The following RPAP1 variants were observed in gnomAD, a reference collection of about 807,000 sequenced individuals.
The protein encoded by RPAP1 is RNA polymerase II-associated protein 1.
RPAP1 carries 109 observed loss-of-function variants against 142.4 expected under a neutral mutation model. The observed-to-expected ratio is 0.77, with a 90% CI of 0.66 to 0.90. The LOEUF (loss-of-function observed/expected upper bound fraction) is 0.90, where lower values mean the gene tolerates loss of function less well. Among genes scored for constraint, RPAP1 ranks in the 40% least tolerant of loss-of-function variants. RPAP1 has a pLI of 0.00. For synonymous variants in RPAP1, 704 were observed against 738.9 expected, an observed-to-expected ratio of 0.95 and a Z score of 0.77; for missense variants, 1,546 against 1,751.7, an observed-to-expected ratio of 0.88 and a Z score of 2.10.
At chr15:41,521,249 G>C (rs548198453) in intron 21 of RPAP1, 102 bp from the exon 22 acceptor site, 1 of 1,165,862 alleles carries the variant, frequency 8.6e-7, no homozygotes, top group Non-Finnish European at 1.2e-6. Context: ...GTCCAGACCT[G>C]TGCCTCTCTG....
chr15:41,535,708 C>T, intron 4 of RPAP1, 76 bp from the exon 5 acceptor site: 1 of 1,550,640 alleles, frequency 6.4e-7, no homozygotes. Flanking sequence ...ATATCAAGGC[C>T]TCTGGAACAA....
In RPAP1 at chr15:41,528,270, G is replaced by C; in HGVS notation, c.1225C>G (p.Leu409Val). Reference protein sequence around the residue: ...TRSQVSQQRALALHVLAQVIS... With the variant: ...TRSQVSQQRAVALHVLAQVIS... ...ACCTGGGCTAACACATGCAGTGCCA[G>C]TGCTCTCTGCTGGGAAACCTGGCTG... The change falls in exon 10 of 25, where the codon CTG becomes GTG. Residue 409 changes from leucine (L) to valine (V), a missense_variant. This residue lies in a region of RPAP1 where 1,333 missense variants were observed against 1,486.6 expected (regional missense o/e 0.90). Transcript: ENST00000304330. 1 of 1,609,132 alleles carries C rather than the reference G, an allele frequency of 6.2e-7. No homozygotes were observed.
At position 41,517,652 on chromosome 15, in the gene RPAP1, A is replaced by C. The variant is rs750081124; in HGVS notation, c.4072T>G (p.Ser1358Ala). The C allele has an allele frequency of 2.3e-5, 37 of 1,612,604 alleles. No individual in the cohort carries two copies. In the South Asian group the frequency reaches 3.8e-4, roughly 17 times the overall value. The change falls in exon 25 of 25, where the codon TCC becomes GCC. Residue 1358 changes from serine (S) to alanine (A), a missense_variant. Around this residue, in one of 3 missense-constraint regions of RPAP1, gnomAD observed 210 missense variants for 248.0 expected, o/e 0.85. Coordinates refer to ENST00000304330, the MANE Select transcript of RPAP1 (RefSeq NM_015540.4). ...AGCTCAAAGCCCTCTGGGAGCGTGG[A>C]ATTGGGAAGCTTATAGTGCAGGAGG... ...QHLLHYKLPN[S>A]TLPEGFELYS...
chr15:41,543,896 G>C (rs1324471705), intron 1 of RPAP1: 1 of 152,184 alleles, frequency 6.6e-6, no homozygotes, highest in East Asian at 1.9e-4. Flanking sequence ...CCTCTGAGGA[G>C]TCTCTGGGGC....
intron 15 of RPAP1, among the ~76,000 whole-genome samples, chr15:41,524,473 CT>C (rs397956859): frequency 0.027 from 3,409 of 127,928 alleles, 128 homozygotes; most frequent in African/African-American, 0.088. Flanking sequence ...GATACCAATG[CT>C]TTTTTTTTTT....
In RPAP1 at chr15:41,520,615, C is replaced by T; in HGVS notation, c.3571G>A (p.Val1191Ile). The T allele has an allele frequency of 1.2e-6, 2 of 1,614,230 alleles. No individual in the cohort carries two copies. The highest frequency in any genetic ancestry group is 8.5e-7 in the Non-Finnish European group (1 of 1,180,044). ...CAGTCCAGGTTGAGGTTTGGCAAGA[C>T]TTGAGGCTGACAGAGCTGGGCGAGG... Reference protein sequence around the residue: ...ALLAQLCQPQVLPNLNLDCRL... With the variant: ...ALLAQLCQPQILPNLNLDCRL... The change falls in exon 22 of 25, where the codon GTC (valine) becomes ATC (isoleucine). Residue 1191 changes from valine (V) to isoleucine (I), a missense_variant. Around this residue, in one of 3 missense-constraint regions of RPAP1, gnomAD observed 3 missense variants for 17.1 expected, o/e 0.18. Transcript: ENST00000304330.
chr15:41,527,417 C>T lies in RPAP1; in HGVS notation c.1611+6G>A. The T allele has an allele frequency of 1.2e-6, 2 of 1,614,020 alleles. No homozygotes were observed. The highest frequency in any genetic ancestry group is 3.3e-5 in the Admixed American group (2 of 59,994). On this transcript the variant is annotated splice_donor_region_variant and intron_variant, in intron 12 of 24. Coordinates refer to ENST00000304330, the MANE Select transcript of RPAP1 (RefSeq NM_015540.4). ...CCATGGGATGGGAAAGAAGCTGTCC[C>T]TTTACCTTGATGACATCATGTCGGG...
rs181067032 is a variant in RPAP1 at position 41,541,275 on chromosome 15, T to C, written c.-77+2944A>G. On this transcript the variant is annotated intron_variant, in intron 1 of 24. Transcript: ENST00000304330. ...ATCTCTACTAAAAATACAAAAAAATTAGGCAGGCGTGGTGGCATGTGCCTG... is the reference window on the plus strand; with the variant it reads ...ATCTCTACTAAAAATACAAAAAAATCAGGCAGGCGTGGTGGCATGTGCCTG... 5.9e-5 allele frequency among the ~76,000 whole-genome samples: 9 copies of C among 151,832 alleles called. No homozygotes were observed. The East Asian group carries it at 1.8e-3, about 30-fold the overall frequency.
intron 24 of RPAP1, 24 bp from the exon 25 acceptor site, chr15:41,517,715 T>A: frequency 6.2e-7 from 1 of 1,613,318 alleles, no homozygotes. Context: ...AGAAAACTTA[T>A]GAAGTGGGTA....
chr15:41,518,678 CAA>C (rs112073549), intron 22 of RPAP1, among the ~76,000 whole-genome samples: 4 of 136,404 alleles, frequency 2.9e-5, no homozygotes, highest in Non-Finnish European at 1.6e-5. Flanking sequence ...GACTCCGTCT[CAA>C]AAAAAAAAAA....
chr15:41,537,246 T>A, intron 1 of RPAP1, 45 bp from the exon 2 acceptor site: 1 of 949,958 alleles, frequency 1.1e-6, no homozygotes, highest in African/African-American at 1.7e-5. Flanking sequence ...TGAACCCTGA[T>A]TCTCTTTATT....
chr15:41,521,273 T>TTCCCGCGCAGTG (rs2051723894), intron 21 of RPAP1, 126 bp from the exon 22 acceptor site: 1 of 922,180 alleles, frequency 1.1e-6, no homozygotes, highest in Non-Finnish European at 1.6e-6. Context: ...CCTTAACTAC[T>TTCCCGCGCAGTG]TCCCGCGCAG....
At chr15:41,518,465 C>T (rs185801988) in intron 22 of RPAP1, 256 of 260,526 alleles carry the variant, frequency 9.8e-4, no homozygotes, top group East Asian at 5.9e-3. Context: ...GCGGATCACA[C>T]GAAATTAGGA....
intron 6 of RPAP1, among the ~76,000 whole-genome samples, chr15:41,531,973 A>G (rs1595486419): frequency 1.3e-5 from 2 of 151,748 alleles, no homozygotes; most frequent in African/African-American, 4.8e-5. Flanking sequence ...CTCCCGCCTC[A>G]GCCTCCCAAG....
rs375654508 is a variant in RPAP1, at chr15:41,529,884, G to A, written c.1039C>T (p.Arg347Trp). 31 of 1,610,824 alleles carry A rather than the reference G, an allele frequency of 1.9e-5. No individual in the cohort carries two copies. The highest frequency in any genetic ancestry group is 1.7e-4 in the African/African-American group (13 of 74,914). The change falls in exon 8 of 25, where the codon CGG becomes TGG. Residue 347 changes from arginine to tryptophan, a missense_variant. This residue lies in a region of RPAP1 where 1,333 missense variants were observed against 1,486.6 expected (regional missense o/e 0.90). Coordinates refer to ENST00000304330, the MANE Select transcript of RPAP1 (RefSeq NM_015540.4). ...LHWTQDLPPV[R>W]RQQTQERMQA... ...CTCACCTCCTGTGTCTGCTGCCGCC[G>A]GACAGGGGGCAAGTCCTGGGTCCAG...
At chr15:41,521,587 A>G in intron 21 of RPAP1, 151 bp downstream of exon 21, 1 of 830,428 alleles carries the variant, frequency 1.2e-6, no homozygotes, top group Non-Finnish European at 1.8e-6. Context: ...TCCTCACTTC[A>G]CTAATGAGGT....
At position 41,523,928 on chromosome 15, in the gene RPAP1, G is replaced by C. The variant is rs749319472; in HGVS notation, c.2279C>G (p.Thr760Ser). Residue 760 changes from threonine to serine, a missense_variant, in exon 17 of 25, where the codon ACT becomes AGT. Physicochemically the swap from Thr to Ser is moderately conservative, Grantham distance 58. Around this residue, in one of 3 missense-constraint regions of RPAP1, gnomAD observed 1,333 missense variants for 1,486.6 expected, o/e 0.90. Coordinates refer to ENST00000304330, the MANE Select transcript of RPAP1 (RefSeq NM_015540.4). Reference sequence around the variant, plus strand: ...CTGGAGCCCAGACACCTGTGTCCAAGTGACTAAGGAAGGGGTGGCCGAGAG... The same window carrying C: ...CTGGAGCCCAGACACCTGTGTCCAACTGACTAAGGAAGGGGTGGCCGAGAG... ...ASLSATPSLV[T>S]WTQVSGLQPL... The C allele has an allele frequency of 9.9e-6, 16 of 1,610,150 alleles. No individual in the cohort carries two copies. The Middle Eastern group carries it at 5.0e-4, about 50-fold the overall frequency.
intron 3 of RPAP1, 58 bp downstream of exon 3, chr15:41,536,443 A>G (rs986336925): frequency 3.9e-5 from 62 of 1,596,954 alleles, no homozygotes; most frequent in Middle Eastern, 3.3e-4. Context: ...CACCCCGAGC[A>G]TCCAATATCC....
intron 1 of RPAP1, among the ~76,000 whole-genome samples, chr15:41,538,861 G>A (rs2051941896): frequency 6.6e-6 from 1 of 151,582 alleles, no homozygotes. Context: ...GAAGCTATAT[G>A]ACTCAGAAAC....
Sources: gnomAD v4.1 joint callset for allele counts (sites outside exome capture counted in the v4.1 genomes callset) on GRCh38, gnomAD v4.1.1 for gene constraint, gnomAD v4.1.1 regional missense constraint, MANE v1.5 for transcripts, NCBI Gene and HGNC (gene_info 2026-07-23, HGNC 2026-07-21) for gene names.